The following MOB3B variants were observed in gnomAD, a reference collection of about 807,000 sequenced individuals.
MOB3B encodes the protein MOB kinase activator-like 2B.
A neutral mutation model predicts 18.7 loss-of-function variants in MOB3B; 7 were observed. The observed-to-expected ratio is 0.37, with a 90% CI of 0.21 to 0.70. The LOEUF is 0.70. MOB3B is among the 30% of genes least tolerant of loss of function. MOB3B has a pLI of 0.52. For missense variants in MOB3B, 253 were observed against 281.3 expected (o/e 0.90, Z 0.72); for synonymous variants, 111 against 99.9 (o/e 1.11, Z -0.66).
intron 2 of MOB3B, among the ~76,000 whole-genome samples, chr9:27,364,681 T>C (rs1821318823): frequency 6.6e-6 from 1 of 152,044 alleles, no homozygotes; most frequent in Non-Finnish European, 1.5e-5. Flanking sequence ...TAAAGAAAAA[T>C]GGGGATATAT....
chr9:27,491,586 T>C (rs1819820799), intron 1 of MOB3B, among the ~76,000 whole-genome samples: 1 of 152,142 alleles, frequency 6.6e-6, no homozygotes, highest in African/African-American at 2.4e-5. Flanking sequence ...TAAAAATCAA[T>C]ATAGGTGGTT....
At chr9:27,385,993 C>G (rs998841735) in intron 2 of MOB3B, among the ~76,000 whole-genome samples, 4 of 152,216 alleles carry the variant, frequency 2.6e-5, no homozygotes, top group Admixed American at 1.3e-4. Flanking sequence ...AGATCTGCAA[C>G]CTGCTGAGCA....
chr9:27,394,864 G>T (rs1451786233), intron 2 of MOB3B, among the ~76,000 whole-genome samples: 1 of 152,148 alleles, frequency 6.6e-6, no homozygotes, highest in Non-Finnish European at 1.5e-5. Context: ...TGGGAATATA[G>T]TTTGATGCCC....
At chr9:27,466,778 A>G (rs558178005) in intron 1 of MOB3B, among the ~76,000 whole-genome samples, 25 of 152,302 alleles carry the variant, frequency 1.6e-4, no homozygotes, top group African/African-American at 5.8e-4. Context: ...CAAGAATAGC[A>G]CGGGAAAGAC....
intron 1 of MOB3B, among the ~76,000 whole-genome samples, chr9:27,471,883 G>T (rs1291934202): frequency 6.6e-6 from 1 of 152,168 alleles, no homozygotes; most frequent in African/African-American, 2.4e-5. Flanking sequence ...GCAGGATTGT[G>T]GTGATCAACT....
intron 2 of MOB3B, among the ~76,000 whole-genome samples, chr9:27,410,024 C>T (rs1225824137): frequency 6.6e-6 from 1 of 152,126 alleles, no homozygotes; most frequent in Non-Finnish European, 1.5e-5. Flanking sequence ...TTGAACAACA[C>T]TGTGAATGTG....
intron 2 of MOB3B, among the ~76,000 whole-genome samples, chr9:27,439,003 C>A (rs1822557981): frequency 6.6e-6 from 1 of 152,126 alleles, no homozygotes; most frequent in South Asian, 2.1e-4. Flanking sequence ...GTAGCTTCTA[C>A]TATGGGAGAA....
intron 3 of MOB3B, among the ~76,000 whole-genome samples, chr9:27,345,565 C>A (rs184906600): frequency 3.9e-4 from 59 of 152,204 alleles, no homozygotes; most frequent in African/African-American, 1.3e-3. Context: ...GGTGGTTGCC[C>A]CCACAGCTTC....
rs532285732 is a variant in MOB3B at position 27,355,680 on chromosome 9, C to T, written c.621+3354G>A. 3.9e-5 allele frequency among the ~76,000 whole-genome samples: 6 copies of T among 151,976 alleles called. No homozygotes were observed. The East Asian group carries it at 1.2e-3, about 29-fold the overall frequency. ...GTTCACGCCATTCTCCTGCCTCAGCCTCCCGAGTGGCTGGGACTACAGGCA... is the reference window on the plus strand; with the variant it reads ...GTTCACGCCATTCTCCTGCCTCAGCTTCCCGAGTGGCTGGGACTACAGGCA... On this transcript the variant is annotated intron_variant, in intron 3 of 3. Coordinates refer to ENST00000262244, the MANE Select transcript of MOB3B (RefSeq NM_024761.5).
intron 2 of MOB3B, among the ~76,000 whole-genome samples, chr9:27,399,118 T>TC (rs1821840773): frequency 6.6e-6 from 1 of 152,140 alleles, no homozygotes; most frequent in South Asian, 2.1e-4. Flanking sequence ...CCACATGAGA[T>TC]CTACTATTAT....
chr9:27,397,226 C>T lies in MOB3B; in HGVS notation c.419-37990G>A, dbSNP rs1481107934. The T allele has an allele frequency of 2.6e-5, 4 of 151,918 alleles. No individual in the cohort carries two copies. In the East Asian group the frequency reaches 7.7e-4, roughly 29 times the overall value. 9.4% of individuals were successfully genotyped at this position (151,918 alleles called of 1,614,324 possible). A position where few individuals can be genotyped will look rare whatever the true frequency, so the allele number is the denominator to read the frequency against. On this transcript the variant is annotated intron_variant, in intron 2 of 3. Transcript: ENST00000262244. The stretch of plus-strand genomic sequence containing the variant: ...TCTATACGGAGGTGCAGAGATTCTC[C>T]ATAACTCAATCGTTCCAAGTCATGT...
intron 1 of MOB3B, among the ~76,000 whole-genome samples, chr9:27,458,878 G>C (rs16923812): frequency 0.015 from 2,357 of 152,148 alleles, 60 homozygotes; most frequent in African/African-American, 0.053. Flanking sequence ...AGGAAACAGA[G>C]ACTCAGATCT....
At chr9:27,437,299 G>A (rs959056703) in intron 2 of MOB3B, among the ~76,000 whole-genome samples, 1 of 152,152 alleles carries the variant, frequency 6.6e-6, no homozygotes, top group Non-Finnish European at 1.5e-5. Context: ...AGACCTCTTA[G>A]AATCTCAGAG....
intron 2 of MOB3B, among the ~76,000 whole-genome samples, chr9:27,419,572 C>A (rs1230404152): frequency 6.6e-6 from 1 of 152,124 alleles, no homozygotes; most frequent in Non-Finnish European, 1.5e-5. Flanking sequence ...CCCTTTTCAA[C>A]AAATGGTGCT....
At position 27,330,593 on chromosome 9, in the gene MOB3B, A is replaced by G. The variant is rs1820772104; in HGVS notation, c.645T>C (p.Cys215=). ...EPLKEMTSRM[C]H is the part of the protein sequence containing the mutation. ...CAAAGGGTGAGGTGGAGCATTAGTG[A>G]CACATCCTGCTCGTCATTTCTTTCT... The change falls in exon 4 of 4, where the codon TGT becomes TGC. Residue 215 remains cysteine, a synonymous_variant. Coordinates refer to ENST00000262244, the MANE Select transcript of MOB3B (RefSeq NM_024761.5). The G allele has an allele frequency of 2.5e-6, 4 of 1,614,022 alleles. No homozygotes were observed. Among genetic ancestry groups the G allele is most frequent in the South Asian group, 2.2e-5 (2 of 91,012 alleles).
chr9:27,338,145 G>C (rs917973970), intron 3 of MOB3B, among the ~76,000 whole-genome samples: 1 of 151,984 alleles, frequency 6.6e-6, no homozygotes, highest in South Asian at 2.1e-4. Context: ...GACTTGCAAG[G>C]ACTTCTGGAT....
intron 1 of MOB3B, among the ~76,000 whole-genome samples, chr9:27,515,169 G>A (rs1462855552): frequency 6.6e-6 from 1 of 152,144 alleles, no homozygotes; most frequent in African/African-American, 2.4e-5. Flanking sequence ...TTTGAACTGT[G>A]CCCCGACTTC....
Position 27,326,217 on chromosome 9 carries a change from T to G in MOB3B, c.*4370A>C. 2.7e-6 allele frequency: 1 copy of G among 366,460 alleles called. No individual in the cohort carries two copies. Among genetic ancestry groups the G allele is most frequent in the Non-Finnish European group, 4.8e-6 (1 of 206,290 alleles). 22.7% of individuals were successfully genotyped at this position (366,460 alleles called of 1,614,324 possible). On this transcript the variant is annotated 3_prime_UTR_variant, in exon 4 of 4. Transcript: ENST00000262244. ...TGGTCACAGCCATAACAGAGAGTGA[T>G]GTGGAGAGCTTTGGGAAGGTTTCAC...
chr9:27,352,616 G>C (rs917629147), intron 3 of MOB3B, among the ~76,000 whole-genome samples: 2 of 152,144 alleles, frequency 1.3e-5, no homozygotes, highest in Non-Finnish European at 2.9e-5. Context: ...CCCATATGGA[G>C]TTTCACTTCC....
Sources: gnomAD v4.1 joint callset for allele counts (sites outside exome capture counted in the v4.1 genomes callset) on GRCh38, gnomAD v4.1.1 for gene constraint, MANE v1.5 for transcripts, NCBI Gene and HGNC (gene_info 2026-07-23, HGNC 2026-07-21) for gene names.